PIP5K1B: variants seen among roughly 807,000 people sequenced by gnomAD.
PIP5K1B encodes phosphatidylinositol 4-phosphate 5-kinase type-1 beta.
PIP5K1B carries 42 observed loss-of-function variants against 67.0 expected under a neutral mutation model. The ratio of observed to expected loss-of-function variants is 0.63; its 90% CI spans 0.49 to 0.81. The LOEUF is 0.81. PIP5K1B is among the 30% of genes least tolerant of loss of function. PIP5K1B has a pLI of 0.00. For synonymous variants in PIP5K1B, 214 were observed against 231.4 expected, an observed-to-expected ratio of 0.92 and a Z score of 0.68; for missense variants, 459 against 646.3, an observed-to-expected ratio of 0.71 and a Z score of 3.14.
intron 2 of PIP5K1B, chr9:68,789,219 G>A: frequency 3.9e-6 from 2 of 508,036 alleles, no homozygotes; most frequent in Non-Finnish European, 7.6e-6. Context: ...GGTGCTTCCT[G>A]TGATGGTGTT....
Position 68,803,493 on chromosome 9 carries a change from T to A in PIP5K1B, c.-85-14968T>A, listed in dbSNP as rs113613062. ...GCCCAAGAAAAAGTGTTCAGAGAAG[T>A]GGAGGAAAGCCAGGCATACCAGGAA... On this transcript the variant is annotated intron_variant, in intron 2 of 15. Transcript: ENST00000265382. Among the ~76,000 whole-genome samples the A allele has an allele frequency of 9.9e-5, 15 of 152,200 alleles. 1 individual carries two copies. The highest frequency in any genetic ancestry group is 3.6e-4 in the African/African-American group (15 of 41,498).
chr9:68,706,580 C>T (rs1253700974), intron 1 of PIP5K1B, among the ~76,000 whole-genome samples: 2 of 152,156 alleles, frequency 1.3e-5, no homozygotes, highest in African/African-American at 2.4e-5. Flanking sequence ...GAAATCAGGG[C>T]TCCGAACAAG....
At chr9:68,883,972 C>G (rs1824328225) in intron 6 of PIP5K1B, among the ~76,000 whole-genome samples, 1 of 152,078 alleles carries the variant, frequency 6.6e-6, no homozygotes, top group African/African-American at 2.4e-5. Context: ...AAATTGGACC[C>G]TTACCTCACA....
chr9:69,004,147 C>A (rs1830951285), intron 15 of PIP5K1B, among the ~76,000 whole-genome samples: 2 of 152,094 alleles, frequency 1.3e-5, no homozygotes, highest in South Asian at 2.1e-4. Flanking sequence ...CTTTCTTATA[C>A]CCCAACATAT....
intron 6 of PIP5K1B, among the ~76,000 whole-genome samples, chr9:68,880,596 C>CATAT (rs1824150112): frequency 8.9e-5 from 13 of 146,714 alleles, no homozygotes; most frequent in African/African-American, 3.3e-4. Context: ...CACGCATACA[C>CATAT]ACACACACAC....
At chr9:68,763,835 G>A (rs1054523978) in intron 2 of PIP5K1B, among the ~76,000 whole-genome samples, 1 of 152,074 alleles carries the variant, frequency 6.6e-6, no homozygotes, top group African/African-American at 2.4e-5. Flanking sequence ...AAATCTCCTT[G>A]AGCTCCTATG....
At chr9:68,715,354 G>A (rs1353475061) in intron 1 of PIP5K1B, among the ~76,000 whole-genome samples, 1 of 152,028 alleles carries the variant, frequency 6.6e-6, no homozygotes, top group East Asian at 1.9e-4. Flanking sequence ...CACGGTCCTG[G>A]TCCTGCTGCC....
At chr9:68,855,743 C>CACTA (rs1471718257) in intron 4 of PIP5K1B, among the ~76,000 whole-genome samples, 4 of 152,168 alleles carry the variant, frequency 2.6e-5, no homozygotes, top group Admixed American at 2.6e-4. Flanking sequence ...ACAACTGCCC[C>CACTA]CAATCACTTT....
chr9:68,952,660 G>A (rs1298356798), intron 14 of PIP5K1B, among the ~76,000 whole-genome samples: 1 of 151,984 alleles, frequency 6.6e-6, no homozygotes, highest in Admixed American at 6.5e-5. Context: ...ATTCTAGATT[G>A]CAAATATTTT....
At chr9:68,723,700 T>TTTTG (rs1554704914) in intron 1 of PIP5K1B, among the ~76,000 whole-genome samples, 2 of 147,088 alleles carry the variant, frequency 1.4e-5, no homozygotes, top group Non-Finnish European at 3.0e-5. Context: ...ATTTGGTTTT[T>TTTTG]TTTTTTTTTT....
chr9:68,877,736 A>ATCT (rs1823971999), intron 6 of PIP5K1B, among the ~76,000 whole-genome samples: 2 of 152,174 alleles, frequency 1.3e-5, no homozygotes, highest in Admixed American at 6.5e-5. Context: ...TCTCCTCTGA[A>ATCT]TCTTCTTGTA....
intron 1 of PIP5K1B, chr9:68,741,555 A>G (rs1829008188): frequency 6.6e-6 from 1 of 152,218 alleles, no homozygotes; most frequent in Non-Finnish European, 1.5e-5. Context: ...TGATATTAGC[A>G]TGTGACCAAA....
intron 4 of PIP5K1B, among the ~76,000 whole-genome samples, chr9:68,857,466 C>T (rs1822836784): frequency 1.3e-5 from 2 of 152,158 alleles, no homozygotes; most frequent in Non-Finnish European, 2.9e-5. Flanking sequence ...CTGTTTCTTT[C>T]TCCTTAATTC....
intron 1 of PIP5K1B, among the ~76,000 whole-genome samples, chr9:68,718,414 A>G (rs1387428748): frequency 6.6e-6 from 1 of 152,228 alleles, no homozygotes; most frequent in African/African-American, 2.4e-5. Flanking sequence ...CTGACTTTAA[A>G]AATATGTGAA....
intron 2 of PIP5K1B, among the ~76,000 whole-genome samples, chr9:68,768,632 T>C (rs1830543815): frequency 6.6e-6 from 1 of 152,220 alleles, no homozygotes; most frequent in South Asian, 2.1e-4. Flanking sequence ...TTTAAATTTG[T>C]TTTTTAGTTC....
At chr9:68,763,069 G>A (rs1830258809) in intron 2 of PIP5K1B, among the ~76,000 whole-genome samples, 1 of 152,234 alleles carries the variant, frequency 6.6e-6, no homozygotes, top group East Asian at 1.9e-4. Flanking sequence ...GAGCACAGAA[G>A]AAGGGAGCAT....
intron 5 of PIP5K1B, among the ~76,000 whole-genome samples, chr9:68,869,521 C>T (rs766634368): frequency 6.6e-6 from 1 of 152,228 alleles, no homozygotes; most frequent in Non-Finnish European, 1.5e-5. Flanking sequence ...ACAGGCCCCG[C>T]TAACTGCCCG....
At chr9:68,836,224 T>C (rs1197359451) in intron 4 of PIP5K1B, among the ~76,000 whole-genome samples, 1 of 152,204 alleles carries the variant, frequency 6.6e-6, no homozygotes, top group Non-Finnish European at 1.5e-5. Flanking sequence ...TTCTTTATTT[T>C]TAACTTATTT....
chr9:68,932,898 C>T (rs932676721), intron 12 of PIP5K1B, among the ~76,000 whole-genome samples: 2 of 151,960 alleles, frequency 1.3e-5, no homozygotes, highest in Admixed American at 6.6e-5. Context: ...GTCAGGAGTT[C>T]GAAACCAGCC....
Sources: allele counts gnomAD v4.1 joint callset (sites outside exome capture counted in the v4.1 genomes callset), GRCh38; gene constraint gnomAD v4.1.1; transcripts MANE v1.5; gene names NCBI Gene and HGNC (gene_info 2026-07-23, HGNC 2026-07-21).